Variants in SPATC1L observed in about 807,000 individuals in gnomAD.
SPATC1L encodes speriolin-like protein.
A neutral mutation model predicts 21.2 loss-of-function variants in SPATC1L; 20 were observed. That is an observed-to-expected ratio of 0.94 (90% confidence interval 0.66 to 1.37). The LOEUF is 1.37. Ranked by LOEUF, SPATC1L falls within the 40% of genes most tolerant of loss-of-function variation. The pLI, the probability that SPATC1L is intolerant of heterozygous loss-of-function variation, is 0.00. For synonymous variants in SPATC1L, 290 were observed against 234.5 expected (o/e 1.24, Z -2.16); for missense variants, 499 against 478.7 (o/e 1.04, Z -0.40).
chr21:46,172,223 G>C (rs140577884), intron 2 of SPATC1L, among the ~76,000 whole-genome samples: 1 of 150,012 alleles, frequency 6.7e-6, no homozygotes, highest in African/African-American at 2.5e-5. Flanking sequence ...GGGTTGTGCA[G>C]AGCACAAAGC....
chr21:46,173,860 T>G (rs932968413), intron 2 of SPATC1L, among the ~76,000 whole-genome samples: 3 of 152,000 alleles, frequency 2.0e-5, no homozygotes, highest in Non-Finnish European at 2.9e-5. Context: ...AGCCCCCCAG[T>G]GCAGTGGATT....
At chr21:46,173,445 G>A (rs966973335) in intron 2 of SPATC1L, among the ~76,000 whole-genome samples, 1 of 152,118 alleles carries the variant, frequency 6.6e-6, no homozygotes, top group African/African-American at 2.4e-5. Flanking sequence ...GCTGATGTCT[G>A]CACAGGTGGG....
chr21:46,161,369 GC>G lies in SPATC1L; in HGVS notation c.*9del, dbSNP rs762895438. 1.3e-6 allele frequency: 2 copies of G among 1,503,832 alleles called. No homozygotes were observed. The highest frequency in any genetic ancestry group is 4.6e-5 in the East Asian group (2 of 43,342). The allele number at this position is 1,503,832 out of a possible 1,614,324, so 93.2% of individuals were successfully genotyped here. A position where few individuals can be genotyped will look rare whatever the true frequency, so the allele number is the denominator to read the frequency against. ...GTTTACTGCAGGCAAGGCGGCGGGC[GC>G]GGGGCGGCTCACCAGGCGAAGAGGG... is the stretch of plus-strand genomic sequence containing the variant. On this transcript the variant is annotated 3_prime_UTR_variant, in exon 5 of 5. Coordinates refer to ENST00000291672, the MANE Select transcript of SPATC1L (RefSeq NM_001142854.2).
chr21:46,166,076 A>T (rs866374024), intron 3 of SPATC1L, among the ~76,000 whole-genome samples: 19 of 152,200 alleles, frequency 1.2e-4, no homozygotes, highest in Admixed American at 2.0e-4. Context: ...ATAACTTTGA[A>T]TGTAAATAGG....
Position 46,172,164 on chromosome 21 carries a change from C to T in SPATC1L, c.194-3506G>A, listed in dbSNP as rs965486046. Among the ~76,000 whole-genome samples, 23 of 29,964 alleles carry T rather than the reference C, an allele frequency of 7.7e-4. 1 individual carries two copies. The highest frequency in any genetic ancestry group is 3.4e-3 in the South Asian group (4 of 1,162). 19.7% of individuals were successfully genotyped at this position (29,964 alleles called of 152,430 possible). A position where few individuals can be genotyped will look rare whatever the true frequency, so the allele number is the denominator to read the frequency against. Reference sequence around the variant, plus strand: ...GGTGGGGGATGCAAAGAGCGTGAGGCGGGGGATGCACAGAGCGTGAGGCGG... The same window carrying T: ...GGTGGGGGATGCAAAGAGCGTGAGGTGGGGGATGCACAGAGCGTGAGGCGG... On this transcript the variant is annotated intron_variant, in intron 2 of 4. Coordinates refer to ENST00000291672, the MANE Select transcript of SPATC1L (RefSeq NM_001142854.2).
chr21:46,176,061 A>G (rs1367951887), intron 2 of SPATC1L, among the ~76,000 whole-genome samples: 1 of 152,186 alleles, frequency 6.6e-6, no homozygotes, highest in Non-Finnish European at 1.5e-5. Flanking sequence ...CCATATGATT[A>G]TCTTAATAGA....
chr21:46,175,888 C>T (rs934707002), intron 2 of SPATC1L, among the ~76,000 whole-genome samples: 4 of 152,166 alleles, frequency 2.6e-5, no homozygotes, highest in African/African-American at 4.8e-5. Flanking sequence ...ATTTGATGAA[C>T]ATTGACGCAA....
intron 4 of SPATC1L, 26 bp from the exon 5 acceptor site, chr21:46,161,731 G>C: frequency 6.4e-7 from 1 of 1,552,742 alleles, no homozygotes; most frequent in Non-Finnish European, 8.7e-7. Flanking sequence ...ATGGATGGGG[G>C]TGGGGGGCTC....
intron 3 of SPATC1L, among the ~76,000 whole-genome samples, chr21:46,166,246 A>G (rs1252389071): frequency 6.6e-6 from 1 of 152,070 alleles, no homozygotes; most frequent in East Asian, 1.9e-4. Flanking sequence ...CGCACCTATA[A>G]TCCCAGCTAC....
At chr21:46,179,987 G>T (rs1309475735) in intron 2 of SPATC1L, among the ~76,000 whole-genome samples, 1 of 152,242 alleles carries the variant, frequency 6.6e-6, no homozygotes, top group Non-Finnish European at 1.5e-5. Flanking sequence ...CCATCAGTGG[G>T]GTGTAGGGAC....
chr21:46,161,471 C>A lies in SPATC1L; in HGVS notation c.931G>T (p.Val311Leu), dbSNP rs756766800. 1 of 1,597,894 alleles carries A rather than the reference C, an allele frequency of 6.3e-7. No individual in the cohort carries two copies. The highest frequency in any genetic ancestry group is 8.5e-7 in the Non-Finnish European group (1 of 1,170,132). Reference sequence around the variant, plus strand: ...GAGTCGCCCAGGAACTTGGGGGGCACCACGTCGATGACCAGCTTGCGCAGC... The same window carrying A: ...GAGTCGCCCAGGAACTTGGGGGGCAACACGTCGATGACCAGCTTGCGCAGC... The part of the protein sequence containing the change: ...AALRKLVIDV[V>L]PPKFLGDSLL... The change falls in exon 5 of 5, where the codon GTG becomes TTG. Residue 311 changes from valine (V) to leucine (L), a missense_variant. Coordinates refer to ENST00000291672, the MANE Select transcript of SPATC1L (RefSeq NM_001142854.2).
At chr21:46,170,511 A>ATGG (rs1212867908) in intron 2 of SPATC1L, among the ~76,000 whole-genome samples, 20 of 41,538 alleles carry the variant, frequency 4.8e-4, no homozygotes, top group South Asian at 9.3e-4. Flanking sequence ...TCTGTGGTCC[A>ATGG]GGAGGAGCCT....
intron 2 of SPATC1L, among the ~76,000 whole-genome samples, chr21:46,181,673 T>TG (rs2079675012): frequency 6.6e-6 from 1 of 152,094 alleles, no homozygotes; most frequent in Non-Finnish European, 1.5e-5. Flanking sequence ...AGAGCTGGCC[T>TG]CCCGGGCATG....
rs2079492744 is a variant in SPATC1L at position 46,161,655 on chromosome 21, C to T, written c.747G>A (p.Glu249=). Residue 249 remains glutamate, a synonymous_variant, in exon 5 of 5, where the codon GAG becomes GAA. Coordinates refer to ENST00000291672, the MANE Select transcript of SPATC1L (RefSeq NM_001142854.2). The stretch of plus-strand genomic sequence containing the variant: ...TCAGGGCCAGGTAGCGCTGCGTCAG[C>T]TCGCGCAGCTTCCTCTCGTCCACGG... The part of the protein sequence containing the change: ...DGSVDERKLR[E]LTQRYLALSA... 2.5e-6 allele frequency: 4 copies of T among 1,608,974 alleles called. No homozygotes were observed. Among genetic ancestry groups the T allele is most frequent in the Non-Finnish European group, 3.4e-6 (4 of 1,178,344 alleles).
Position 46,161,347 on chromosome 21 carries a change from T to C in SPATC1L, c.*32A>G. 6.7e-7 allele frequency: 1 copy of C among 1,482,666 alleles called. No homozygotes were observed. Among genetic ancestry groups the C allele is most frequent in the South Asian group, 1.4e-5 (1 of 73,606 alleles). 91.8% of individuals were successfully genotyped at this position (1,482,666 alleles called of 1,614,324 possible). A position where few individuals can be genotyped will look rare whatever the true frequency, so the allele number is the denominator to read the frequency against. On this transcript the variant is annotated 3_prime_UTR_variant, in exon 5 of 5. Coordinates refer to ENST00000291672, the MANE Select transcript of SPATC1L (RefSeq NM_001142854.2). ...GGCCCCGGGTTGGAACAAACGCGTT[T>C]ACTGCAGGCAAGGCGGCGGGCGCGG...
chr21:46,163,773 G>A (rs1314583077), intron 3 of SPATC1L, among the ~76,000 whole-genome samples: 1 of 152,164 alleles, frequency 6.6e-6, no homozygotes, highest in East Asian at 1.9e-4. Context: ...GGAAGTATGA[G>A]TCCCTCAATG....
At chr21:46,181,859 CAACA>C (rs1388648502) in intron 2 of SPATC1L, among the ~76,000 whole-genome samples, 2 of 152,224 alleles carry the variant, frequency 1.3e-5, no homozygotes, top group African/African-American at 4.8e-5. Context: ...CCCACCATCC[CAACA>C]AAAAGTCAAG....
At chr21:46,175,799 TC>T (rs1049302250) in intron 2 of SPATC1L, among the ~76,000 whole-genome samples, 3 of 152,160 alleles carry the variant, frequency 2.0e-5, no homozygotes, top group Non-Finnish European at 2.9e-5. Context: ...CCTCCCTAAC[TC>T]ATTCTATGAG....
intron 3 of SPATC1L, 113 bp from the exon 4 acceptor site, chr21:46,162,180 C>T (rs1387427478): frequency 3.3e-6 from 4 of 1,197,922 alleles, no homozygotes; most frequent in African/African-American, 3.1e-5. Flanking sequence ...TCCCACCTGC[C>T]GCCACCCCCC....
Sources: allele counts gnomAD v4.1 joint callset (sites outside exome capture counted in the v4.1 genomes callset), GRCh38; gene constraint gnomAD v4.1.1; transcripts MANE v1.5; gene names NCBI Gene and HGNC (gene_info 2026-07-23, HGNC 2026-07-21).